The following ATP10B variants were observed in gnomAD, a reference collection of about 807,000 sequenced individuals.
ATP10B encodes ATPase phospholipid transporting 10B (putative), also known as phospholipid-transporting ATPase VB.
Under a neutral mutation model 141.2 loss-of-function variants are expected in ATP10B, and 122 were observed. The ratio of observed to expected loss-of-function variants is 0.86; its 90% CI spans 0.75 to 1.00. The LOEUF is 1.00. Among genes scored for constraint, ATP10B ranks in the 50% least tolerant of loss-of-function variants. ATP10B has a pLI of 0.00. For synonymous variants in ATP10B, 685 were observed against 692.0 expected (o/e 0.99, Z 0.16); for missense variants, 1,876 against 1,825.3 (o/e 1.03, Z -0.51).
intron 1 of ATP10B, among the ~76,000 whole-genome samples, chr5:160,846,030 C>G (rs1776097064): frequency 6.6e-6 from 1 of 152,048 alleles, no homozygotes; most frequent in Non-Finnish European, 1.5e-5. Context: ...GAATACATTT[C>G]TAAAAGAAGG....
chr5:160,640,771 G>T (rs1461684089), intron 9 of ATP10B, among the ~76,000 whole-genome samples, 179 bp from the exon 10 acceptor site: 1 of 152,188 alleles, frequency 6.6e-6, no homozygotes, highest in African/African-American at 2.4e-5. Flanking sequence ...TAATTTACCA[G>T]CAGGCACTCA....
intron 6 of ATP10B, among the ~76,000 whole-genome samples, chr5:160,680,704 A>G (rs1182065575): frequency 6.6e-6 from 1 of 152,196 alleles, no homozygotes; most frequent in Non-Finnish European, 1.5e-5. Flanking sequence ...GGAATGGCCC[A>G]TAGGCTTTCA....
chr5:160,744,436 T>C (rs1408333028), intron 2 of ATP10B, among the ~76,000 whole-genome samples: 1 of 152,160 alleles, frequency 6.6e-6, no homozygotes, highest in East Asian at 1.9e-4. Context: ...CTGACTGAGT[T>C]CCCAGAGCCC....
chr5:160,603,114 G>A (rs1038050835), intron 20 of ATP10B: 1 of 170,316 alleles, frequency 5.9e-6, no homozygotes, highest in Non-Finnish European at 1.3e-5. Context: ...CACAGATGGA[G>A]CTAAGTGACA....
intron 1 of ATP10B, among the ~76,000 whole-genome samples, chr5:160,795,739 A>G (rs1328424132): frequency 1.3e-5 from 2 of 152,050 alleles, no homozygotes; most frequent in African/African-American, 4.8e-5. Flanking sequence ...AGGCAACGCG[A>G]CCACAGAAAC....
chr5:160,583,591 C>T (rs575214976), intron 24 of ATP10B, among the ~76,000 whole-genome samples: 4 of 152,260 alleles, frequency 2.6e-5, no homozygotes, highest in African/African-American at 7.2e-5. Flanking sequence ...CAGAGCTGGC[C>T]GTCAGGAACG....
intron 1 of ATP10B, among the ~76,000 whole-genome samples, chr5:160,790,326 T>C (rs1227730173): frequency 6.6e-6 from 1 of 152,126 alleles, no homozygotes; most frequent in Non-Finnish European, 1.5e-5. Context: ...CCTAAGTAAT[T>C]TTTCAGTGTT....
rs143801934 is a variant in ATP10B at position 160,814,909 on chromosome 5, A to G, written c.-575-29106T>C. ...TAAGCTTCATAAATGAAGGAGAAAT[A>G]AAATCCTTTACAGAGAAGCAAATGC... On this transcript the variant is annotated intron_variant, in intron 1 of 25. Transcript: ENST00000327245. Among the ~76,000 whole-genome samples, 586 of 152,318 alleles carry G rather than the reference A, an allele frequency of 3.8e-3. 5 individuals are homozygous for G. Among genetic ancestry groups the G allele is most frequent in the African/African-American group, 0.013 (559 of 41,558 alleles).
chr5:160,718,868 C>A (rs1765812002), intron 2 of ATP10B, among the ~76,000 whole-genome samples: 1 of 152,106 alleles, frequency 6.6e-6, no homozygotes, highest in Admixed American at 6.6e-5. Context: ...CAAACCAAAC[C>A]CTAGTAACCC....
chr5:160,904,272 C>G, the ATP10B span, among the ~76,000 whole-genome samples: 150 of 152,228 alleles, frequency 9.9e-4, no homozygotes, highest in African/African-American at 3.5e-3. Context: ...TTTCCACTTC[C>G]TAGCTAGGTA....
At chr5:160,890,979 A>G in the ATP10B span, among the ~76,000 whole-genome samples, 88 of 149,540 alleles carry the variant, frequency 5.9e-4, no homozygotes, top group African/African-American at 2.1e-3. Flanking sequence ...AGCTATGACC[A>G]TTTGTTTACG....
chr5:160,598,192 G>A (rs1208341833), intron 22 of ATP10B, among the ~76,000 whole-genome samples: 6 of 151,774 alleles, frequency 4.0e-5, no homozygotes, highest in Non-Finnish European at 2.9e-5. Context: ...ATACACCATG[G>A]AATACTATGC....
chr5:160,588,647 C>A (rs1356056525), intron 24 of ATP10B, among the ~76,000 whole-genome samples: 1 of 152,060 alleles, frequency 6.6e-6, no homozygotes, highest in Non-Finnish European at 1.5e-5. Context: ...TGCTTGGGGG[C>A]AAGTTAAACC....
chr5:160,874,716 C>T, the ATP10B span, among the ~76,000 whole-genome samples: 2 of 152,186 alleles, frequency 1.3e-5, no homozygotes, highest in South Asian at 4.2e-4. Flanking sequence ...AAAACCAAGG[C>T]TCCAGAACTA....
intron 3 of ATP10B, among the ~76,000 whole-genome samples, chr5:160,689,603 T>C (rs1267900619): frequency 6.6e-6 from 1 of 152,086 alleles, no homozygotes; most frequent in East Asian, 1.9e-4. Flanking sequence ...GAGAGCCAAA[T>C]CATGAGTGAA....
At chr5:160,630,980 C>G (rs1758891607) in intron 13 of ATP10B, among the ~76,000 whole-genome samples, 1 of 152,038 alleles carries the variant, frequency 6.6e-6, no homozygotes, top group African/African-American at 2.4e-5. Flanking sequence ...TTTTTGATAT[C>G]AAGTTAAAGA....
intron 7 of ATP10B, among the ~76,000 whole-genome samples, chr5:160,649,938 G>A (rs1341778051): frequency 3.3e-5 from 5 of 151,686 alleles, no homozygotes; most frequent in Non-Finnish European, 7.4e-5. Flanking sequence ...GTGAAACCCC[G>A]TCTCTACTAA....
At chr5:160,610,800 T>C (rs1199998794) in intron 18 of ATP10B, among the ~76,000 whole-genome samples, 2 of 152,220 alleles carry the variant, frequency 1.3e-5, no homozygotes, top group African/African-American at 4.8e-5. Context: ...TCTAATACTT[T>C]AGTTCCTTTT....
intron 2 of ATP10B, among the ~76,000 whole-genome samples, chr5:160,739,336 A>G (rs1329138520): frequency 1.3e-5 from 2 of 152,226 alleles, no homozygotes; most frequent in African/African-American, 4.8e-5. Flanking sequence ...AGGCAGTGCA[A>G]TAAGGCAGAC....
Sources: allele counts gnomAD v4.1 joint callset (sites outside exome capture counted in the v4.1 genomes callset), GRCh38; gene constraint gnomAD v4.1.1; transcripts MANE v1.5; gene names NCBI Gene and HGNC (gene_info 2026-07-23, HGNC 2026-07-21).